Variants in USP7 observed in about 807,000 individuals in gnomAD.
USP7 encodes ubiquitin specific peptidase 7, also known as ubiquitin C-terminal hydrolase 7.
USP7 carries 9 observed loss-of-function variants against 162.9 expected under a neutral mutation model. The ratio of observed to expected loss-of-function variants is 0.06; its 90% CI spans 0.03 to 0.10. USP7 has a LOEUF of 0.10. USP7 is among the 10% of genes least tolerant of loss of function. The probability of loss-of-function intolerance (pLI) is 1.00; values close to 1 mark genes in which losing one functional copy is unlikely to be tolerated. For missense variants in USP7, 715 were observed against 1,373.7 expected, an observed-to-expected ratio of 0.52 and a Z score of 7.58; for synonymous variants, 562 against 475.9, an observed-to-expected ratio of 1.18 and a Z score of -2.35.
chr16:8,960,850 T>C (rs964756455), intron 1 of USP7, among the ~76,000 whole-genome samples: 12 of 152,196 alleles, frequency 7.9e-5, no homozygotes, highest in Non-Finnish European at 1.8e-4. Context: ...AAGACACAAG[T>C]AGCTTTTTAA....
chr16:8,894,963 C>T (rs940787967), intron 28 of USP7, 68 bp downstream of exon 28: 19 of 1,613,204 alleles, frequency 1.2e-5, no homozygotes, highest in East Asian at 4.5e-5. Context: ...AGCGCAGATT[C>T]GGCAACAGCG....
At chr16:8,918,980 G>C in intron 6 of USP7, 51 bp downstream of exon 6, 1 of 1,587,612 alleles carries the variant, frequency 6.3e-7, no homozygotes, top group Non-Finnish European at 8.6e-7. Context: ...TGATATACCT[G>C]AGAAGAAAGG....
chr16:8,928,620 C>T (rs1390133547), intron 2 of USP7, among the ~76,000 whole-genome samples: 2 of 152,170 alleles, frequency 1.3e-5, no homozygotes, highest in Admixed American at 6.5e-5. Context: ...CTCCCTCCCA[C>T]GCACTTTGCC....
At chr16:8,952,586 T>G (rs574307913) in intron 1 of USP7, among the ~76,000 whole-genome samples, 1 of 152,334 alleles carries the variant, frequency 6.6e-6, no homozygotes, top group Admixed American at 6.5e-5. Context: ...CACTGATGAC[T>G]GTGAGTACAC....
chr16:8,913,825 G>A lies in USP7; in HGVS notation c.1078+1429C>T, dbSNP rs561261022. Among the ~76,000 whole-genome samples the A allele has an allele frequency of 4.0e-5, 6 of 151,750 alleles. No homozygotes were observed. In the South Asian group the frequency reaches 8.3e-4, roughly 21 times the overall value. ...CAGTGCAGTGGCACAATCATGGCTC[G>A]CTGCAGACTTAAACTCCAGGGCTCA... On this transcript the variant is annotated intron_variant, in intron 10 of 30. Transcript: ENST00000344836.
chr16:8,902,570 C>CATAT, intron 16 of USP7, 88 bp from the exon 17 acceptor site: 2 of 968,846 alleles, frequency 2.1e-6, no homozygotes, highest in South Asian at 1.6e-5. Flanking sequence ...TATACATATA[C>CATAT]ATATATATAT....
intron 2 of USP7, among the ~76,000 whole-genome samples, chr16:8,928,000 G>A (rs1268544485): frequency 1.3e-5 from 2 of 152,222 alleles, no homozygotes; most frequent in Non-Finnish European, 2.9e-5. Context: ...AGCCACACAT[G>A]GCGGTACTTC....
intron 1 of USP7, among the ~76,000 whole-genome samples, chr16:8,931,301 G>C (rs567267949): frequency 6.6e-6 from 1 of 151,292 alleles, no homozygotes; most frequent in African/African-American, 2.4e-5. Flanking sequence ...CTATTCTCCT[G>C]CCTCAGCCTC....
At chr16:8,948,342 C>T (rs1899383024) in intron 1 of USP7, among the ~76,000 whole-genome samples, 2 of 152,136 alleles carry the variant, frequency 1.3e-5, no homozygotes, top group African/African-American at 4.8e-5. Context: ...GCCATCATGG[C>T]TGACTAATTT....
intron 1 of USP7, among the ~76,000 whole-genome samples, chr16:8,938,861 A>C (rs998726597): frequency 6.6e-6 from 1 of 152,172 alleles, no homozygotes; most frequent in African/African-American, 2.4e-5. Context: ...GATAATTTAA[A>C]CTATATAGGA....
At position 8,945,426 on chromosome 16, in the gene USP7, A is replaced by C. The variant is rs117439738; in HGVS notation, c.80-15029T>G. ...GTTCCTGGGAAGACTAGTTGTCCAG[A>C]GAGTAGCAAAGGAAATCTTGTTTTA... On this transcript the variant is annotated intron_variant, in intron 1 of 30. Coordinates refer to ENST00000344836, the MANE Select transcript of USP7 (RefSeq NM_003470.3). Among the ~76,000 whole-genome samples the C allele has an allele frequency of 7.6e-3, 1,158 of 152,324 alleles. 9 individuals are homozygous for C. The highest frequency in any genetic ancestry group is 0.013 in the Non-Finnish European group (875 of 68,018).
intron 1 of USP7, among the ~76,000 whole-genome samples, chr16:8,932,746 G>C (rs1298567480): frequency 6.6e-6 from 1 of 152,190 alleles, no homozygotes; most frequent in Admixed American, 6.5e-5. Context: ...ACAGTGACTG[G>C]CCCTAGAAAG....
chr16:8,917,270 T>A, intron 6 of USP7, 114 bp from the exon 7 acceptor site: 2 of 1,301,026 alleles, frequency 1.5e-6, no homozygotes, highest in Non-Finnish European at 1.0e-6. Context: ...ACACAATGGC[T>A]AAGGTTGTTG....
intron 1 of USP7, among the ~76,000 whole-genome samples, chr16:8,930,825 T>C (rs915246175): frequency 6.6e-6 from 1 of 152,126 alleles, no homozygotes; most frequent in Non-Finnish European, 1.5e-5. Flanking sequence ...AAAAATTAGC[T>C]GGGTGTGGTG....
intron 1 of USP7, among the ~76,000 whole-genome samples, chr16:8,959,221 C>A (rs985785556): frequency 3.3e-5 from 5 of 152,066 alleles, no homozygotes; most frequent in African/African-American, 1.2e-4. Context: ...GCATTAGGTC[C>A]CACAGCAATT....
intron 1 of USP7, among the ~76,000 whole-genome samples, chr16:8,945,454 T>C (rs1899234807): frequency 6.6e-6 from 1 of 152,214 alleles, no homozygotes; most frequent in South Asian, 2.1e-4. Flanking sequence ...TTGTTTTATT[T>C]GTTCATGGGT....
At chr16:8,956,519 C>T (rs998041228) in intron 1 of USP7, 9 of 152,450 alleles carry the variant, frequency 5.9e-5, no homozygotes, top group East Asian at 5.8e-4. Flanking sequence ...AATCCCAACA[C>T]TTTGGGAGGC....
intron 1 of USP7, among the ~76,000 whole-genome samples, chr16:8,950,690 T>A (rs1484037950): frequency 4.6e-5 from 7 of 152,220 alleles, no homozygotes; most frequent in South Asian, 4.1e-4. Context: ...AAGCTGTATG[T>A]GCCTGGCTGC....
Position 8,910,785 on chromosome 16 carries a change from T to A in USP7, c.1121A>T (p.Asp374Val). The change falls in exon 11 of 31, where the codon GAT (aspartate) becomes GTT (valine). Residue 374 changes from aspartate (D) to valine (V), a missense_variant. By Grantham distance (152) the Asp-to-Val change is radical. Coordinates refer to ENST00000344836, the MANE Select transcript of USP7 (RefSeq NM_003470.3). ...FVDYVAVEQL[D>V]GDNKYDAGEH... Reference sequence around the variant, plus strand: ...CCCAGCGTCGTATTTATTGTCCCCATCGAGCTGTTCTACTGCCACATAATC... The same window carrying A: ...CCCAGCGTCGTATTTATTGTCCCCAACGAGCTGTTCTACTGCCACATAATC... 1 of 1,614,176 alleles carries A rather than the reference T, an allele frequency of 6.2e-7. No individual in the cohort carries two copies. Among genetic ancestry groups the A allele is most frequent in the Non-Finnish European group, 8.5e-7 (1 of 1,180,042 alleles).
Sources: allele counts gnomAD v4.1 joint callset (sites outside exome capture counted in the v4.1 genomes callset), GRCh38; gene constraint gnomAD v4.1.1; transcripts MANE v1.5; gene names NCBI Gene and HGNC (gene_info 2026-07-23, HGNC 2026-07-21).